ZNF423: variants seen among roughly 807,000 people sequenced by gnomAD.
ZNF423 encodes zinc finger protein 423.
In ZNF423, 12 loss-of-function variants were observed where a neutral mutation model predicts 95.8. The ratio of observed to expected loss-of-function variants is 0.13; its 90% CI spans 0.08 to 0.20. The LOEUF is 0.20. ZNF423 is among the 10% of genes least tolerant of loss of function. The pLI is 1.00. For synonymous variants in ZNF423, 749 were observed against 711.9 expected (o/e 1.05, Z -0.83); for missense variants, 1,316 against 1,737.1 (o/e 0.76, Z 4.31).
At chr16:49,714,223 T>TGGTATGAC (rs2032634189) in intron 3 of ZNF423, among the ~76,000 whole-genome samples, 1 of 152,204 alleles carries the variant, frequency 6.6e-6, no homozygotes, top group Admixed American at 6.5e-5. Context: ...TCACACATGA[T>TGGTATGAC]GGTATGACGG....
At chr16:49,747,474 A>T (rs779016490) in intron 2 of ZNF423, among the ~76,000 whole-genome samples, 3 of 152,222 alleles carry the variant, frequency 2.0e-5, no homozygotes, top group Non-Finnish European at 4.4e-5. Context: ...AATTGATATC[A>T]TCTATAATTA....
At chr16:49,727,388 C>T (rs936877769) in intron 3 of ZNF423, among the ~76,000 whole-genome samples, 2 of 152,116 alleles carry the variant, frequency 1.3e-5, no homozygotes, top group East Asian at 1.9e-4. Flanking sequence ...CCCCTCCCAC[C>T]CCTGAGGGGT....
At chr16:49,518,867 C>T (rs1208326526) in intron 7 of ZNF423, among the ~76,000 whole-genome samples, 1 of 152,142 alleles carries the variant, frequency 6.6e-6, no homozygotes, top group African/African-American at 2.4e-5. Context: ...CCAGCCTGGG[C>T]AGTATCATGA....
At chr16:49,537,841 G>A (rs1193022982) in intron 5 of ZNF423, among the ~76,000 whole-genome samples, 1 of 152,214 alleles carries the variant, frequency 6.6e-6, no homozygotes, top group Non-Finnish European at 1.5e-5. Context: ...GCTCACATTA[G>A]CTTGTTGATG....
intron 1 of ZNF423, among the ~76,000 whole-genome samples, chr16:49,838,487 C>G (rs1597053953): frequency 1.3e-5 from 2 of 152,316 alleles, no homozygotes; most frequent in East Asian, 3.9e-4. Flanking sequence ...GAGGATGTAC[C>G]AGGGAATGGC....
At chr16:49,557,060 C>T (rs145537932) in intron 5 of ZNF423, among the ~76,000 whole-genome samples, 8 of 152,260 alleles carry the variant, frequency 5.3e-5, no homozygotes, top group African/African-American at 1.2e-4. Context: ...TTTTGGTGCC[C>T]GCTGTCACAC....
intron 5 of ZNF423, among the ~76,000 whole-genome samples, chr16:49,568,455 C>T (rs1456858284): frequency 1.3e-5 from 2 of 152,102 alleles, no homozygotes; most frequent in Admixed American, 1.3e-4. Context: ...TCCCCTTGTT[C>T]CCTAGACCAG....
rs193226239 is a variant in ZNF423, at chr16:49,580,442, T to C, written c.3601+45728A>G. 6.4e-4 allele frequency among the ~76,000 whole-genome samples: 97 copies of C among 152,320 alleles called. 2 individuals are homozygous for C. The East Asian group carries it at 0.015, about 24-fold the overall frequency. The stretch of plus-strand genomic sequence containing the variant: ...GTAAACTACACAGAGGTGTGGAAAA[T>C]ACATGTATTCATTCCCCAGAGCCCA... On this transcript the variant is annotated intron_variant, in intron 5 of 7. Transcript: ENST00000563137.
chr16:49,635,678 C>A lies in ZNF423; in HGVS notation c.3498G>T (p.Gln1166His). The change falls in exon 4 of 8, where the codon CAG (glutamine) becomes CAT (histidine). Residue 1166 changes from glutamine (Q) to histidine (H), a missense_variant. Transcript: ENST00000563137. This position sits in a 1 kb window ranked among gnomAD's most constrained non-coding sequence, Gnocchi z 4.8. ...PETSGPRKGT[Q>H]TSPVPRKKTY... Reference sequence around the variant, plus strand: ...CACTTACCCGGGGCACTGGCGATGTCTGGGTGCCTTTCCGGGGCCCACTGG... The same window carrying A: ...CACTTACCCGGGGCACTGGCGATGTATGGGTGCCTTTCCGGGGCCCACTGG... The A allele has an allele frequency of 6.9e-6, 11 of 1,583,244 alleles. No homozygotes were observed. Among genetic ancestry groups the A allele is most frequent in the South Asian group, 1.2e-5 (1 of 85,940 alleles).
At chr16:49,570,333 C>T (rs1789182011) in intron 5 of ZNF423, among the ~76,000 whole-genome samples, 1 of 152,070 alleles carries the variant, frequency 6.6e-6, no homozygotes, top group African/African-American at 2.4e-5. Flanking sequence ...TGGGTGTTAC[C>T]ATCCCCATTT....
chr16:49,523,040 C>T (rs568175656), intron 7 of ZNF423, among the ~76,000 whole-genome samples: 1 of 152,284 alleles, frequency 6.6e-6, no homozygotes, highest in South Asian at 2.1e-4. Context: ...GCTTCCTTTC[C>T]CAAGGTCCTC....
chr16:49,784,181 A>G (rs1404121743), intron 2 of ZNF423, among the ~76,000 whole-genome samples: 1 of 152,130 alleles, frequency 6.6e-6, no homozygotes, highest in Non-Finnish European at 1.5e-5. Context: ...GTTGCCCTAT[A>G]ACCCAGCAAT....
At chr16:49,532,637 T>C (rs1968894897) in intron 5 of ZNF423, among the ~76,000 whole-genome samples, 1 of 152,100 alleles carries the variant, frequency 6.6e-6, no homozygotes, top group Non-Finnish European at 1.5e-5. Context: ...GTGTGGACAG[T>C]AAAAACATCA....
At chr16:49,606,402 G>C (rs1971538283) in intron 5 of ZNF423, among the ~76,000 whole-genome samples, 1 of 152,220 alleles carries the variant, frequency 6.6e-6, no homozygotes, top group African/African-American at 2.4e-5. Flanking sequence ...CTGAGGAGTG[G>C]AGGGACAGAA....
At chr16:49,757,997 G>A (rs969066893) in intron 2 of ZNF423, among the ~76,000 whole-genome samples, 1 of 152,062 alleles carries the variant, frequency 6.6e-6, no homozygotes, top group African/African-American at 2.4e-5. Flanking sequence ...AAACATCCCT[G>A]GCATCTCCAG....
chr16:49,518,925 G>A (rs1418693584), intron 7 of ZNF423, among the ~76,000 whole-genome samples: 1 of 152,210 alleles, frequency 6.6e-6, no homozygotes, highest in Non-Finnish European at 1.5e-5. Flanking sequence ...TTAGCTGGGT[G>A]TGGTGGTGTG....
At chr16:49,850,887 CA>C (rs1253744878) in intron 1 of ZNF423, among the ~76,000 whole-genome samples, 1 of 152,188 alleles carries the variant, frequency 6.6e-6, no homozygotes, top group African/African-American at 2.4e-5. Flanking sequence ...TCCAAGATGC[CA>C]TGTCCCCACA....
intron 5 of ZNF423, among the ~76,000 whole-genome samples, chr16:49,619,918 T>C (rs1415382457): frequency 7.2e-5 from 11 of 152,110 alleles, no homozygotes. Context: ...TGACTTCCAC[T>C]CCAGACTGTC....
intron 1 of ZNF423, among the ~76,000 whole-genome samples, chr16:49,835,785 C>T (rs1057342198): frequency 5.3e-5 from 8 of 152,192 alleles, no homozygotes; most frequent in Non-Finnish European, 8.8e-5. Flanking sequence ...AGTAAGGTTT[C>T]AGCAGGGAGG....
Sources: gnomAD v4.1 joint callset for allele counts (sites outside exome capture counted in the v4.1 genomes callset) on GRCh38, gnomAD v4.1.1 for gene constraint, Gnocchi (gnomAD v3.1) non-coding constraint, MANE v1.5 for transcripts, NCBI Gene and HGNC (gene_info 2026-07-23, HGNC 2026-07-21) for gene names.